Variants in SMC5 observed in about 807,000 individuals in gnomAD.
SMC5 encodes structural maintenance of chromosomes 5.
In SMC5, 88 loss-of-function variants were observed where a neutral mutation model predicts 148.3. That is an observed-to-expected ratio of 0.59 (90% CI 0.50 to 0.71). The LOEUF is 0.71. SMC5 is among the 30% of genes least tolerant of loss of function. SMC5 has a pLI of 0.00. For missense variants in SMC5, 1,142 were observed against 1,298.9 expected (o/e 0.88, Z 1.86); for synonymous variants, 421 against 432.8 (o/e 0.97, Z 0.34).
chr9:70,260,214 C>T (rs1274912835), intron 1 of SMC5, among the ~76,000 whole-genome samples: 1 of 151,952 alleles, frequency 6.6e-6, no homozygotes, highest in Admixed American at 6.6e-5. Context: ...AATCAATTCT[C>T]CTGCCTCAGC....
At chr9:70,259,463 T>G (rs1052198315) in intron 1 of SMC5, among the ~76,000 whole-genome samples, 200 bp downstream of exon 1, 1 of 152,202 alleles carries the variant, frequency 6.6e-6, no homozygotes, top group African/African-American at 2.4e-5. Flanking sequence ...GATGTGTGCC[T>G]TGGGTGATGT....
chr9:70,327,263 AATT>A (rs2036104816), intron 17 of SMC5, among the ~76,000 whole-genome samples: 4 of 152,220 alleles, frequency 2.6e-5, no homozygotes. Flanking sequence ...AAGTCAAAGA[AATT>A]ATCAGAGATG....
chr9:70,320,429 A>T (rs918648039), intron 15 of SMC5, among the ~76,000 whole-genome samples: 1 of 152,204 alleles, frequency 6.6e-6, no homozygotes, highest in Non-Finnish European at 1.5e-5. Flanking sequence ...AAAGAAAAAT[A>T]TTCAGGGGGA....
intron 2 of SMC5, among the ~76,000 whole-genome samples, chr9:70,266,250 T>C (rs2034289079): frequency 1.3e-5 from 2 of 151,544 alleles, no homozygotes; most frequent in Admixed American, 1.3e-4. Flanking sequence ...TTATTTAAAA[T>C]GTGTGTGTGT....
intron 15 of SMC5, 112 bp from the exon 16 acceptor site, chr9:70,323,371 A>G: frequency 2.9e-6 from 3 of 1,021,584 alleles, no homozygotes; most frequent in South Asian, 3.9e-5. Flanking sequence ...CAGGCACTAT[A>G]TATCTGAAAA....
intron 10 of SMC5, among the ~76,000 whole-genome samples, chr9:70,300,845 A>G (rs1235823481): frequency 1.3e-5 from 2 of 152,176 alleles, no homozygotes; most frequent in African/African-American, 4.8e-5. Context: ...TTCTTTGGTA[A>G]TGATATGTTA....
intron 10 of SMC5, among the ~76,000 whole-genome samples, chr9:70,303,248 C>A (rs1003298798): frequency 6.7e-6 from 1 of 149,666 alleles, no homozygotes; most frequent in Non-Finnish European, 1.5e-5. Flanking sequence ...AAAAAAAAAA[C>A]AATACAGTCT....
At chr9:70,286,129 C>T in intron 7 of SMC5, 71 bp from the exon 8 acceptor site, 1 of 892,272 alleles carries the variant, frequency 1.1e-6, no homozygotes, top group Non-Finnish European at 1.9e-6. Flanking sequence ...TTTGAATGGG[C>T]AGGGCCATAT....
chr9:70,296,012 A>G (rs1302940464), intron 8 of SMC5, among the ~76,000 whole-genome samples: 1 of 151,890 alleles, frequency 6.6e-6, no homozygotes, highest in Non-Finnish European at 1.5e-5. Context: ...ATTTTTTCAG[A>G]TATATTTTCT....
chr9:70,300,641 C>G (rs887773375), intron 10 of SMC5, among the ~76,000 whole-genome samples: 1 of 152,032 alleles, frequency 6.6e-6, no homozygotes, highest in Non-Finnish European at 1.5e-5. Flanking sequence ...GAAAGTGAAA[C>G]CAATACCTTA....
At chr9:70,310,903 T>G (rs1234607455) in intron 11 of SMC5, 5 of 152,290 alleles carry the variant, frequency 3.3e-5, no homozygotes, top group African/African-American at 1.2e-4. Context: ...AGCTTCAAGC[T>G]TTTCTTCTCT....
rs202184846 is a variant in SMC5, at chr9:70,280,928, C to T, written c.819+29C>T. On this transcript the variant is annotated intron_variant, in intron 6 of 24. Coordinates refer to ENST00000361138, the MANE Select transcript of SMC5 (RefSeq NM_015110.4). Reference sequence around the variant, plus strand: ...AGTCATAATTTTTAGAGGCAAAGTACGTGTTTCTTTAAGTAGCAGAGTAAT... The same window carrying T: ...AGTCATAATTTTTAGAGGCAAAGTATGTGTTTCTTTAAGTAGCAGAGTAAT... 44 of 1,611,138 alleles carry T rather than the reference C, an allele frequency of 2.7e-5. No individual in the cohort carries two copies. The East Asian group carries it at 4.5e-4, about 16-fold the overall frequency.
chr9:70,305,413 C>G, intron 11 of SMC5, 53 bp downstream of exon 11: 1 of 1,093,126 alleles, frequency 9.1e-7, no homozygotes, highest in Non-Finnish European at 1.4e-6. Flanking sequence ...ACTTTCAGCA[C>G]TTGAAGTTTT....
chr9:70,288,707 A>G (rs923876409), intron 8 of SMC5, among the ~76,000 whole-genome samples: 3 of 152,068 alleles, frequency 2.0e-5, no homozygotes, highest in African/African-American at 7.2e-5. Context: ...GTTTGAGGTT[A>G]CCTAGCAGTT....
At chr9:70,310,549 G>A (rs138914603) in intron 11 of SMC5, among the ~76,000 whole-genome samples, 298 of 152,260 alleles carry the variant, frequency 2.0e-3, no homozygotes, top group Non-Finnish European at 2.5e-3. Flanking sequence ...ATTCTAAAGG[G>A]CCCTAGGATT....
chr9:70,342,801 T>C (rs192417671), intron 17 of SMC5, among the ~76,000 whole-genome samples: 16 of 152,320 alleles, frequency 1.1e-4, no homozygotes, highest in African/African-American at 3.8e-4. Context: ...CTCTGATCTT[T>C]TACATCCTTA....
In SMC5 at chr9:70,272,555, C is replaced by T. The variant is rs563184751; in HGVS notation, c.380+4580C>T. Among the ~76,000 whole-genome samples the T allele has an allele frequency of 1.6e-3, 240 of 152,108 alleles. 1 individual carries two copies. Among genetic ancestry groups the T allele is most frequent in the Middle Eastern group, 3.4e-3 (1 of 294 alleles). On this transcript the variant is annotated intron_variant, in intron 3 of 24. Coordinates refer to ENST00000361138, the MANE Select transcript of SMC5 (RefSeq NM_015110.4). ...TAGCGAGACTCCATCTCCACACACACACAAAAAGGTCTGAGATTCAGGTAG... is the reference window on the plus strand; with the variant it reads ...TAGCGAGACTCCATCTCCACACACATACAAAAAGGTCTGAGATTCAGGTAG...
At chr9:70,331,037 A>C (rs1249627225) in intron 17 of SMC5, among the ~76,000 whole-genome samples, 1 of 152,208 alleles carries the variant, frequency 6.6e-6, no homozygotes, top group Non-Finnish European at 1.5e-5. Context: ...ATCTCAAGTC[A>C]GATAGTAAAT....
At position 70,298,185 on chromosome 9, in the gene SMC5, C is replaced by CGAA; in HGVS notation, c.1276_1278dup (p.Arg426dup). The CGAA allele has an allele frequency of 1.2e-6, 2 of 1,613,278 alleles. No individual in the cohort carries two copies. The highest frequency in any genetic ancestry group is 3.3e-4 in the Middle Eastern group (2 of 6,058). ...ATGTGAAGGCGAAATAATTGATAAG[C>CGAA]GAAGAGAGAGGGAAACTCTAGAGAA... On this transcript the variant is annotated inframe_insertion, in exon 9 of 25. Transcript: ENST00000361138.
Sources: gnomAD v4.1 joint callset for allele counts (sites outside exome capture counted in the v4.1 genomes callset) on GRCh38, gnomAD v4.1.1 for gene constraint, MANE v1.5 for transcripts, NCBI Gene and HGNC (gene_info 2026-07-23, HGNC 2026-07-21) for gene names.